PPARGC1A: variants seen among roughly 807,000 people sequenced by gnomAD.
PPARGC1A encodes peroxisome proliferator-activated receptor gamma coactivator 1-alpha.
PPARGC1A carries 25 observed loss-of-function variants against 88.7 expected under a neutral mutation model. The observed-to-expected ratio is 0.28, with a 90% CI of 0.21 to 0.39. The LOEUF is 0.39. PPARGC1A is among the 10% of genes least tolerant of loss of function. The pLI, the probability that PPARGC1A is intolerant of heterozygous loss-of-function variation, is 1.00. For synonymous variants in PPARGC1A, 363 were observed against 355.6 expected, an observed-to-expected ratio of 1.02 and a Z score of -0.24; for missense variants, 880 against 968.7, an observed-to-expected ratio of 0.91 and a Z score of 1.22.
chr4:24,046,430 A>C, the PPARGC1A span, among the ~76,000 whole-genome samples: 6 of 151,936 alleles, frequency 3.9e-5, no homozygotes, highest in Non-Finnish European at 5.9e-5. Context: ...CACTCCCACT[A>C]CCACTTCTTT....
At chr4:24,401,181 G>A in the PPARGC1A span, among the ~76,000 whole-genome samples, 1 of 151,906 alleles carries the variant, frequency 6.6e-6, no homozygotes, top group African/African-American at 2.4e-5. Context: ...ACTACGCCCG[G>A]CTAATTTTTT....
the PPARGC1A span, among the ~76,000 whole-genome samples, chr4:23,967,072 C>T: frequency 1.3e-5 from 2 of 152,102 alleles, no homozygotes; most frequent in Admixed American, 1.3e-4. Flanking sequence ...AGATGTAATG[C>T]CTTATTATTA....
chr4:24,198,535 CCTCCA>C, the PPARGC1A span, among the ~76,000 whole-genome samples: 3 of 152,194 alleles, frequency 2.0e-5, no homozygotes, highest in Non-Finnish European at 4.4e-5. Context: ...AGACACCTTT[CCTCCA>C]AGTGTCAACA....
chr4:24,128,917 A>G, the PPARGC1A span, among the ~76,000 whole-genome samples: 1 of 152,198 alleles, frequency 6.6e-6, no homozygotes, highest in African/African-American at 2.4e-5. Context: ...AAAGAATGAC[A>G]TAGAAAGTAA....
At chr4:23,964,107 A>G in the PPARGC1A span, among the ~76,000 whole-genome samples, 1 of 152,228 alleles carries the variant, frequency 6.6e-6, no homozygotes. Context: ...AAGTTCAATT[A>G]TGATTGCAAA....
At chr4:24,391,792 T>C in the PPARGC1A span, among the ~76,000 whole-genome samples, 473 of 152,304 alleles carry the variant, frequency 3.1e-3, 21 homozygotes, top group East Asian at 0.074. Flanking sequence ...TTCATTTTCA[T>C]CATTGAAAAT....
chr4:24,112,983 G>A, the PPARGC1A span, among the ~76,000 whole-genome samples: 1 of 152,064 alleles, frequency 6.6e-6, no homozygotes, highest in Non-Finnish European at 1.5e-5. Flanking sequence ...CTGCAGAAAG[G>A]GCTACTGTGT....
chr4:23,958,116 A>G, the PPARGC1A span, among the ~76,000 whole-genome samples: 1 of 152,140 alleles, frequency 6.6e-6, no homozygotes, highest in Non-Finnish European at 1.5e-5. Flanking sequence ...TGAAACTTTT[A>G]CTTGCTTGGC....
At chr4:24,361,184 C>T in the PPARGC1A span, among the ~76,000 whole-genome samples, 55 of 152,224 alleles carry the variant, frequency 3.6e-4, no homozygotes, top group Admixed American at 6.5e-4. Flanking sequence ...GGGAAGGAGT[C>T]AGCGGAGGAC....
chr4:23,802,156 T>C (rs1358529974), intron 11 of PPARGC1A, 68 bp downstream of exon 11: 10 of 1,602,962 alleles, frequency 6.2e-6, no homozygotes, highest in Non-Finnish European at 8.5e-6. Context: ...CCCATCCCAG[T>C]AATCTTATGG....
At chr4:24,061,560 A>C in the PPARGC1A span, among the ~76,000 whole-genome samples, 1 of 152,164 alleles carries the variant, frequency 6.6e-6, no homozygotes, top group East Asian at 1.9e-4. Context: ...CTTCTCCCTC[A>C]AAGAGGAGTC....
the PPARGC1A span, among the ~76,000 whole-genome samples, chr4:24,108,120 C>A: frequency 6.6e-6 from 1 of 152,170 alleles, no homozygotes; most frequent in Admixed American, 6.5e-5. Flanking sequence ...CAGTCTCTTT[C>A]CCATATGCCT....
At chr4:24,328,239 C>G in the PPARGC1A span, among the ~76,000 whole-genome samples, 1 of 115,064 alleles carries the variant, frequency 8.7e-6, no homozygotes, top group African/African-American at 2.9e-5. Context: ...CCCCACAAAA[C>G]AGAAATTAGC....
chr4:24,372,949 G>A, the PPARGC1A span, among the ~76,000 whole-genome samples: 3 of 152,314 alleles, frequency 2.0e-5, no homozygotes, highest in Non-Finnish European at 2.9e-5. Flanking sequence ...GAATCCTTAA[G>A]AGCAGTCTTT....
the PPARGC1A span, among the ~76,000 whole-genome samples, chr4:23,926,528 G>C: frequency 3.3e-5 from 5 of 152,124 alleles, no homozygotes; most frequent in Admixed American, 6.5e-5. Flanking sequence ...CATTGACCTA[G>C]AGAAAGCGCT....
the PPARGC1A span, among the ~76,000 whole-genome samples, chr4:24,241,507 G>A: frequency 6.6e-6 from 1 of 152,192 alleles, no homozygotes; most frequent in Admixed American, 6.5e-5. Context: ...TGGTCAACCA[G>A]AAAAATGTTT....
chr4:24,348,189 A>C, the PPARGC1A span, among the ~76,000 whole-genome samples: 2 of 152,228 alleles, frequency 1.3e-5, no homozygotes, highest in African/African-American at 4.8e-5. Flanking sequence ...TTAATCTGAC[A>C]GGTTTTCCTC....
chr4:23,852,724 T>TA (rs1729523027), intron 2 of PPARGC1A, among the ~76,000 whole-genome samples: 2 of 152,198 alleles, frequency 1.3e-5, no homozygotes, highest in Admixed American at 6.6e-5. Flanking sequence ...ATAACTCTTT[T>TA]AAAGTATTAT....
chr4:24,239,699 GAA>G, the PPARGC1A span, among the ~76,000 whole-genome samples: 1 of 150,534 alleles, frequency 6.6e-6, no homozygotes, highest in African/African-American at 2.4e-5. Flanking sequence ...GTTTTGGGTA[GAA>G]AAAAAAAGTG....
Sources: gnomAD v4.1 joint callset for allele counts (sites outside exome capture counted in the v4.1 genomes callset) on GRCh38, gnomAD v4.1.1 for gene constraint, MANE v1.5 for transcripts, NCBI Gene and HGNC (gene_info 2026-07-23, HGNC 2026-07-21) for gene names.